Variants in ZCCHC14 observed in about 807,000 individuals in gnomAD.
ZCCHC14 encodes the protein zinc finger CCHC domain-containing protein 14.
ZCCHC14 carries 16 observed loss-of-function variants against 85.0 expected under a neutral mutation model. That is an observed-to-expected ratio of 0.19 (90% CI 0.13 to 0.29). The LOEUF (loss-of-function observed/expected upper bound fraction) is 0.29, where lower values mean the gene tolerates loss of function less well. Ranked by LOEUF, ZCCHC14 falls within the 10% of genes least tolerant of loss-of-function variation. The pLI is 1.00. For missense variants in ZCCHC14, 1,303 were observed against 1,443.5 expected (o/e 0.90, Z 1.58); for synonymous variants, 775 against 630.7 (o/e 1.23, Z -3.43).
At position 87,433,162 on chromosome 16, in the gene ZCCHC14, G is replaced by A; in HGVS notation, c.734C>T (p.Thr245Ile). 6.2e-7 allele frequency: 1 copy of A among 1,614,124 alleles called. No homozygotes were observed. Among genetic ancestry groups the A allele is most frequent in the Non-Finnish European group, 8.5e-7 (1 of 1,180,006 alleles). ...EKIDLKGLSH[T>I]KNDRNVECSF... ...ACATTCAACATTTCTGTCATTTTTTGTGTGTGATAATCCCTTCAGGTCTAT... is the reference window on the plus strand; with the variant it reads ...ACATTCAACATTTCTGTCATTTTTTATGTGTGATAATCCCTTCAGGTCTAT... Residue 245 changes from threonine (T) to isoleucine (I), a missense_variant, in exon 3 of 13, where the codon ACA (threonine) becomes ATA (isoleucine). Thr to Ile is a moderately conservative substitution (Grantham distance 89, BLOSUM62 -1). This residue lies in a region of ZCCHC14 where 389 missense variants were observed against 397.8 expected (regional missense o/e 0.98). Transcript: ENST00000671377.
At chr16:87,483,942 G>GT (rs1240313750) in intron 1 of ZCCHC14, among the ~76,000 whole-genome samples, 1 of 152,212 alleles carries the variant, frequency 6.6e-6, no homozygotes, top group Non-Finnish European at 1.5e-5. Context: ...GGAACAAAAT[G>GT]TTATCTATAG....
At chr16:87,459,315 T>G (rs1911137709) in intron 2 of ZCCHC14, among the ~76,000 whole-genome samples, 1 of 150,806 alleles carries the variant, frequency 6.6e-6, no homozygotes, top group Non-Finnish European at 1.5e-5. Flanking sequence ...CCATGTGGGG[T>G]GGGGAGGAGG....
intron 2 of ZCCHC14, among the ~76,000 whole-genome samples, chr16:87,433,828 G>A (rs1387403664): frequency 2.0e-5 from 3 of 151,734 alleles, no homozygotes; most frequent in Non-Finnish European, 2.9e-5. Flanking sequence ...ACTTTTAGAA[G>A]AGATGGGGTT....
At chr16:87,483,221 G>A (rs1457440444) in intron 1 of ZCCHC14, among the ~76,000 whole-genome samples, 1 of 143,552 alleles carries the variant, frequency 7.0e-6, no homozygotes, top group Non-Finnish European at 1.5e-5. Context: ...ACTTTGGGAG[G>A]CCGAGGTGGG....
intron 1 of ZCCHC14, chr16:87,467,044 T>G (rs78417616): frequency 1.1e-5 from 4 of 372,058 alleles, no homozygotes; most frequent in Non-Finnish European, 1.9e-5. Flanking sequence ...AAAAAAAAAT[T>G]GTTTTTTTTT....
chr16:87,482,271 G>C (rs904203572), intron 1 of ZCCHC14, among the ~76,000 whole-genome samples: 2 of 152,088 alleles, frequency 1.3e-5, no homozygotes, highest in Non-Finnish European at 2.9e-5. Context: ...CAGTGTGACT[G>C]GCAAAACCAC....
intron 12 of ZCCHC14, among the ~76,000 whole-genome samples, chr16:87,411,210 C>G (rs983036661): frequency 6.6e-6 from 1 of 152,170 alleles, no homozygotes; most frequent in African/African-American, 2.4e-5. Context: ...GGGGGCAGCA[C>G]TGAATCCCTC....
At chr16:87,418,705 C>G (rs1021126728) in intron 7 of ZCCHC14, 142 bp downstream of exon 7, 1 of 875,470 alleles carries the variant, frequency 1.1e-6, no homozygotes, top group East Asian at 2.9e-5. Context: ...TAAATTCAAT[C>G]ATCTCTACTC....
intron 12 of ZCCHC14, 50 bp downstream of exon 12, chr16:87,411,466 T>A: frequency 6.3e-7 from 1 of 1,590,300 alleles, no homozygotes; most frequent in African/African-American, 1.4e-5. Flanking sequence ...AGCATTTGTG[T>A]GCACTGGTCC....
chr16:87,418,746 T>C, intron 7 of ZCCHC14, 101 bp downstream of exon 7: 1 of 1,210,286 alleles, frequency 8.3e-7, no homozygotes, highest in Non-Finnish European at 1.2e-6. Flanking sequence ...AAGACTCAAC[T>C]TGAGCATGAC....
At position 87,492,742 on chromosome 16, in the gene ZCCHC14, T is replaced by A. The variant is rs1912831660; in HGVS notation, c.-504A>T. On this transcript the variant is annotated 5_prime_UTR_variant, in exon 1 of 13. Coordinates refer to ENST00000671377, the MANE Select transcript of ZCCHC14 (RefSeq NM_015144.3). The surrounding 1 kb of genome is among the most constrained non-coding windows in gnomAD (Gnocchi z 6.7). ...CCCGCGCCTCCGCCCAGGCCGGCCG[T>A]TACCCCGGGCCGCGGGCGCGGCGTC... The A allele has an allele frequency of 7.0e-6, 1 of 143,612 alleles. No homozygotes were observed. Among genetic ancestry groups the A allele is most frequent in the South Asian group, 2.3e-4 (1 of 4,372 alleles). 8.9% of individuals were successfully genotyped at this position (143,612 alleles called of 1,614,324 possible). A position where few individuals can be genotyped will look rare whatever the true frequency, so the allele number is the denominator to read the frequency against.
At chr16:87,462,548 G>A (rs921845643) in intron 1 of ZCCHC14, among the ~76,000 whole-genome samples, 13 of 150,844 alleles carry the variant, frequency 8.6e-5, no homozygotes, top group Non-Finnish European at 1.6e-4. Context: ...AGACCATCCT[G>A]GCTAACACGG....
intron 1 of ZCCHC14, among the ~76,000 whole-genome samples, chr16:87,464,961 C>T (rs1911451728): frequency 1.3e-5 from 2 of 152,188 alleles, no homozygotes; most frequent in East Asian, 3.9e-4. Context: ...AGGAAGGCAA[C>T]GATAAGCTGC....
At chr16:87,443,029 C>A (rs1707857167) in intron 2 of ZCCHC14, among the ~76,000 whole-genome samples, 1 of 152,114 alleles carries the variant, frequency 6.6e-6, no homozygotes, top group African/African-American at 2.4e-5. Flanking sequence ...CAAACTTGGA[C>A]CATCAGGAAG....
chr16:87,427,433 G>C (rs551785132), intron 3 of ZCCHC14, among the ~76,000 whole-genome samples: 15 of 152,306 alleles, frequency 9.8e-5, no homozygotes, highest in Non-Finnish European at 1.8e-4. Flanking sequence ...TTTTGAGACA[G>C]AGTTTTGCTC....
chr16:87,463,641 A>C (rs1195450348), intron 1 of ZCCHC14, among the ~76,000 whole-genome samples: 1 of 152,060 alleles, frequency 6.6e-6, no homozygotes, highest in Non-Finnish European at 1.5e-5. Flanking sequence ...CAACATGGTG[A>C]ATGAAACCTC....
At chr16:87,478,362 T>C (rs901046834) in intron 1 of ZCCHC14, among the ~76,000 whole-genome samples, 2 of 152,034 alleles carry the variant, frequency 1.3e-5, no homozygotes, top group Non-Finnish European at 2.9e-5. Flanking sequence ...AACTGATCAG[T>C]GGTGGAAAAC....
At position 87,423,886 on chromosome 16, in the gene ZCCHC14, A is replaced by AAAAC. The variant is rs371337103; in HGVS notation, c.769-9_769-6dup. On this transcript the variant is annotated splice_polypyrimidine_tract_variant and splice_region_variant and intron_variant, in intron 3 of 12. Transcript: ENST00000671377. ...TGAAGAATCAGACCACAAGACCTTAAAAACAAACAAACAAACAAACCTTAG... is the reference window on the plus strand; with the variant it reads ...TGAAGAATCAGACCACAAGACCTTAAAAACAAACAAACAAACAAACAAACCTTAG... 8.3e-5 allele frequency: 134 copies of AAAAC among 1,612,990 alleles called. No individual in the cohort carries two copies. In the African/African-American group the frequency reaches 1.5e-3, roughly 18 times the overall value.
chr16:87,469,745 C>T (rs747678629), intron 1 of ZCCHC14, among the ~76,000 whole-genome samples: 4 of 152,104 alleles, frequency 2.6e-5, no homozygotes, highest in Non-Finnish European at 4.4e-5. Context: ...GGAGGGGCAC[C>T]GGCAACTGGG....
Sources: gnomAD v4.1 joint callset for allele counts (sites outside exome capture counted in the v4.1 genomes callset) on GRCh38, gnomAD v4.1.1 for gene constraint, gnomAD v4.1.1 regional missense constraint, Gnocchi (gnomAD v3.1) non-coding constraint, MANE v1.5 for transcripts, NCBI Gene and HGNC (gene_info 2026-07-23, HGNC 2026-07-21) for gene names.